ACACB: variants seen among roughly 807,000 people sequenced by gnomAD.
ACACB encodes acetyl-CoA carboxylase beta, also known as acetyl-CoA carboxylase 2.
In ACACB, 209 loss-of-function variants were observed where a neutral mutation model predicts 278.8. That is an observed-to-expected ratio of 0.75 (90% CI 0.67 to 0.84). The LOEUF (loss-of-function observed/expected upper bound fraction) is 0.84. Ranked by LOEUF, ACACB falls within the 40% of genes least tolerant of loss-of-function variation. The pLI is 0.00. For synonymous variants in ACACB, 1,174 were observed against 1,285.6 expected (o/e 0.91, Z 1.86); for missense variants, 2,850 against 3,269.0 (o/e 0.87, Z 3.13).
At chr12:109,177,268 A>G (rs1400149152) in intron 9 of ACACB, among the ~76,000 whole-genome samples, 3 of 152,112 alleles carry the variant, frequency 2.0e-5, no homozygotes, top group African/African-American at 7.2e-5. Flanking sequence ...CTTTTTTGTT[A>G]AATGTTTAGC....
In ACACB at chr12:109,218,236, C is replaced by G. The variant is rs144501008; in HGVS notation, c.3564+1316C>G. ...TTTTCTTTTGAGACAGGGTCTCGCT[C>G]TGTTGCCCAGGCTGGAGTGCAGTGG... On this transcript the variant is annotated intron_variant, in intron 24 of 52. Transcript: ENST00000338432. Among the ~76,000 whole-genome samples the G allele has an allele frequency of 8.3e-3, 1,269 of 152,294 alleles. 16 individuals are homozygous for G. Among genetic ancestry groups the G allele is most frequent in the African/African-American group, 0.029 (1,204 of 41,570 alleles).
chr12:109,196,065 G>A (rs1593526382), intron 16 of ACACB, among the ~76,000 whole-genome samples: 1 of 152,156 alleles, frequency 6.6e-6, no homozygotes, highest in Non-Finnish European at 1.5e-5. Flanking sequence ...GCTGCCTTGT[G>A]TCATAAACTG....
In ACACB at chr12:109,232,680, C is replaced by T. The variant is rs759610928; in HGVS notation, c.4013C>T (p.Pro1338Leu). The T allele has an allele frequency of 3.7e-6, 6 of 1,613,894 alleles. No individual in the cohort carries two copies. In the South Asian group the frequency reaches 6.6e-5, roughly 18 times the overall value. Residue 1338 changes from proline (P) to leucine (L), a missense_variant, in exon 29 of 53, where the codon CCC (proline) becomes CTC (leucine). This residue lies in a region of ACACB where 2,265 missense variants were observed against 2,561.3 expected (regional missense o/e 0.88). Transcript: ENST00000338432. ...PSSHPNRMTVPISITNPDLLR... is the reference protein window; with the variant it reads ...PSSHPNRMTVLISITNPDLLR... Reference sequence around the variant, plus strand: ...CCATCACCTTACAGGATGACCGTGCCCATCAGCATCACCAACCCTGACCTG... The same window carrying T: ...CCATCACCTTACAGGATGACCGTGCTCATCAGCATCACCAACCCTGACCTG...
At chr12:109,167,805 C>T in intron 3 of ACACB, 91 bp from the exon 4 acceptor site, 1 of 1,578,056 alleles carries the variant, frequency 6.3e-7, no homozygotes, top group Non-Finnish European at 8.7e-7. Flanking sequence ...CTGCAGGAGG[C>T]TCTGCAGCTG....
chr12:109,235,109 C>A (rs2046596646), intron 31 of ACACB, among the ~76,000 whole-genome samples: 1 of 152,166 alleles, frequency 6.6e-6, no homozygotes, highest in South Asian at 2.1e-4. Flanking sequence ...CCCTAGGCAA[C>A]CACTAATCTA....
chr12:109,198,231 C>CA (rs2045209985), intron 17 of ACACB, among the ~76,000 whole-genome samples: 1 of 152,036 alleles, frequency 6.6e-6, no homozygotes, highest in Non-Finnish European at 1.5e-5. Flanking sequence ...TTCTATCTGC[C>CA]AAGAATGTTC....
intron 12 of ACACB, among the ~76,000 whole-genome samples, chr12:109,186,900 C>G (rs2044681318): frequency 6.6e-6 from 1 of 152,162 alleles, no homozygotes; most frequent in Non-Finnish European, 1.5e-5. Flanking sequence ...CTACATACCT[C>G]TCCCCAAATC....
chr12:109,190,085 T>C (rs2044812201), intron 13 of ACACB, among the ~76,000 whole-genome samples: 1 of 151,924 alleles, frequency 6.6e-6, no homozygotes, highest in African/African-American at 2.4e-5. Flanking sequence ...CACTCCAGCC[T>C]GGGCAACAAG....
intron 19 of ACACB, among the ~76,000 whole-genome samples, chr12:109,202,785 G>T (rs1183777647): frequency 6.6e-6 from 1 of 152,040 alleles, no homozygotes; most frequent in African/African-American, 2.4e-5. Context: ...TGGTCCATTT[G>T]TCACATTTAA....
chr12:109,262,603 A>T (rs2047407876), intron 49 of ACACB, 134 bp downstream of exon 49: 2 of 598,392 alleles, frequency 3.3e-6, no homozygotes, highest in Admixed American at 3.0e-5. Context: ...TGAGATTTTT[A>T]AAGATATTCA....
intron 19 of ACACB, among the ~76,000 whole-genome samples, chr12:109,205,824 A>C (rs950455628): frequency 1.3e-5 from 2 of 151,766 alleles, no homozygotes; most frequent in African/African-American, 4.8e-5. Context: ...GGAGGGGTAG[A>C]GGGTGGGCAG....
chr12:109,203,808 A>G (rs540589894), intron 19 of ACACB, among the ~76,000 whole-genome samples: 8 of 152,318 alleles, frequency 5.3e-5, no homozygotes, highest in African/African-American at 1.7e-4. Context: ...GTCAAGGACT[A>G]CTTTCGATGT....
intron 1 of ACACB, among the ~76,000 whole-genome samples, chr12:109,132,460 C>T (rs1188513531): frequency 2.0e-5 from 3 of 152,126 alleles, no homozygotes; most frequent in African/African-American, 7.2e-5. Flanking sequence ...CCATCACGCC[C>T]GGTCCCATGG....
chr12:109,253,087 T>C lies in ACACB; in HGVS notation c.5974T>C (p.Ser1992Pro). 1 of 1,613,556 alleles carries C rather than the reference T, an allele frequency of 6.2e-7. No homozygotes were observed. The highest frequency in any genetic ancestry group is 8.5e-7 in the Non-Finnish European group (1 of 1,179,732). ...GVQIMHYNGVSHITVPDDFEG... is the reference protein window; with the variant it reads ...GVQIMHYNGVPHITVPDDFEG... ...TCAGATCATGCATTACAATGGTGTC[T>C]CCCACATCACCGTGCCAGATGACTT... is the stretch of plus-strand genomic sequence containing the variant. Residue 1992 changes from serine (S) to proline (P), a missense_variant, in exon 43 of 53, where the codon TCC (serine) becomes CCC (proline). Ser to Pro is a moderately conservative substitution (Grantham distance 74). This residue lies in a region of ACACB where 579 missense variants were observed against 684.6 expected (regional missense o/e 0.85). Coordinates refer to ENST00000338432, the MANE Select transcript of ACACB (RefSeq NM_001093.4).
intron 20 of ACACB, among the ~76,000 whole-genome samples, chr12:109,207,419 C>T (rs1338370035): frequency 6.6e-6 from 1 of 152,202 alleles, no homozygotes; most frequent in Non-Finnish European, 1.5e-5. Context: ...GTGGGGGTCA[C>T]CCTGCTTAAG....
At chr12:109,207,447 A>T (rs1176814414) in intron 20 of ACACB, among the ~76,000 whole-genome samples, 2 of 152,196 alleles carry the variant, frequency 1.3e-5, no homozygotes, top group Non-Finnish European at 2.9e-5. Flanking sequence ...CAGACAAGGC[A>T]CTTTGTTTGA....
Position 109,191,904 on chromosome 12 carries a change from G to A in ACACB, c.2353G>A (p.Ala785Thr). 6.2e-7 allele frequency: 1 copy of A among 1,614,202 alleles called. No homozygotes were observed. Among genetic ancestry groups the A allele is most frequent in the Non-Finnish European group, 8.5e-7 (1 of 1,180,040 alleles). ...ATGCGGGGCCTTGAACGTGGCCGAT[G>A]CGATGTTCAGAACGTGCATGACAGA... ...VVCGALNVAD[A>T]MFRTCMTDFL... is the part of the protein sequence containing the mutation. Residue 785 changes from alanine to threonine, a missense_variant, in exon 15 of 53, where the codon GCG (alanine) becomes ACG (threonine). Ala to Thr is a moderately conservative substitution (Grantham distance 58). Around this residue, in one of 3 missense-constraint regions of ACACB, gnomAD observed 2,265 missense variants for 2,561.3 expected, o/e 0.88. Transcript: ENST00000338432.
At chr12:109,191,081 T>G (rs1201074858) in intron 13 of ACACB, among the ~76,000 whole-genome samples, 1 of 152,214 alleles carries the variant, frequency 6.6e-6, no homozygotes, top group Non-Finnish European at 1.5e-5. Context: ...AAGTCAGGGC[T>G]ATTTCCCCAT....
At chr12:109,215,201 T>C (rs1326868765) in intron 22 of ACACB, among the ~76,000 whole-genome samples, 1 of 152,160 alleles carries the variant, frequency 6.6e-6, no homozygotes, top group Non-Finnish European at 1.5e-5. Context: ...CTTGGGTAAG[T>C]AATTGAAAAA....
Sources: allele counts gnomAD v4.1 joint callset (sites outside exome capture counted in the v4.1 genomes callset), GRCh38; gene constraint gnomAD v4.1.1; regional missense constraint gnomAD v4.1.1; transcripts MANE v1.5; gene names NCBI Gene and HGNC (gene_info 2026-07-23, HGNC 2026-07-21).